TTN: variants seen among roughly 807,000 people sequenced by gnomAD.
The protein encoded by TTN is connectin.
In TTN, 1,525 loss-of-function variants were observed where a neutral mutation model predicts 3,223.0. The ratio of observed to expected loss-of-function variants is 0.47; its 90% CI spans 0.45 to 0.49. TTN has a LOEUF of 0.49. Among genes scored for constraint, TTN ranks in the 20% least tolerant of loss-of-function variants. TTN has a pLI of 0.00. For missense variants in TTN, 40,786 were observed against 43,424.0 expected (o/e 0.94, Z 5.40); for synonymous variants, 14,094 against 15,161.0 (o/e 0.93, Z 5.17).
rs772164852 is a variant in TTN at position 178,651,878 on chromosome 2, A to G, written c.39379+6T>C. 6 of 1,605,520 alleles carry G rather than the reference A, an allele frequency of 3.7e-6. No individual in the cohort carries two copies. In the Admixed American group the frequency reaches 6.8e-5, roughly 18 times the overall value. ...GAGGTGTCCTAGCAGCTTTCTTGCC[A>G]TGTACCTTGTGGAGGCGCCGCTGGC... On this transcript the variant is annotated splice_donor_region_variant and intron_variant, in intron 205 of 362. Coordinates refer to ENST00000589042, the MANE Select transcript of TTN (RefSeq NM_001267550.2).
At chr2:178,724,212 T>C in intron 72 of TTN, 48 bp downstream of exon 72, 1 of 1,584,660 alleles carries the variant, frequency 6.3e-7, no homozygotes. Context: ...GAAGGAAACT[T>C]GTAAAAGGAA....
chr2:178,570,649 CT>C lies in TTN; in HGVS notation c.75482del (p.Lys25161ArgfsTer11), dbSNP rs775559795. The part of the protein sequence containing the change: ...ELSNTARLEI[K>X]STDFATSLSV... ...TGAGACTGGTGGCAAAGTCGGTGCT[CT>C]TTATTTCTAATCGAGCTGTGTTTGA... On this transcript the variant is annotated frameshift_variant, in exon 326 of 363. Transcript: ENST00000589042. LOFTEE classifies it high-confidence loss of function. The C allele has an allele frequency of 6.2e-7, 1 of 1,613,476 alleles. No individual in the cohort carries two copies. Among genetic ancestry groups the C allele is most frequent in the East Asian group, 2.2e-5 (1 of 44,792 alleles).
At position 178,651,891 on chromosome 2, in the gene TTN, A is replaced by T; in HGVS notation, c.39372T>A (p.Pro13124=). Residue 13124 remains proline, a synonymous_variant, in exon 205 of 363, where the codon CCT becomes CCA. Transcript: ENST00000589042. The part of the protein sequence containing the change: ...EVVEEPEPAA[P]PQVTVPPKKP... Reference sequence around the variant, plus strand: ...AGCTTTCTTGCCATGTACCTTGTGGAGGCGCCGCTGGCTCTGGCTCTTCCA... The same window carrying T: ...AGCTTTCTTGCCATGTACCTTGTGGTGGCGCCGCTGGCTCTGGCTCTTCCA... 6.2e-7 allele frequency: 1 copy of T among 1,607,598 alleles called. No individual in the cohort carries two copies.
intron 310 of TTN, 26 bp from the exon 311 acceptor site, chr2:178,584,604 C>G (rs2048521937): frequency 6.2e-6 from 10 of 1,609,916 alleles, no homozygotes; most frequent in African/African-American, 1.3e-5. Context: ...AGGAAGATGT[C>G]AGTTTCTACA....
rs2069782023 is a variant in TTN at position 178,682,806 on chromosome 2, A to G, written c.32985T>C (p.Tyr10995=). The change falls in exon 135 of 363, where the codon TAT becomes TAC. Residue 10995 remains tyrosine (Y), a synonymous_variant. Transcript: ENST00000589042. ...CATACTCCTCAAATTCTTTATAATC[A>G]TATTCTTCATATTCCTCATATTCTT... The part of the protein sequence containing the change: ...REEEYEEYEE[Y]DYKEFEEYEP... 3 of 1,612,354 alleles carry G rather than the reference A, an allele frequency of 1.9e-6. 1 individual carries two copies. In the South Asian group the frequency reaches 3.3e-5, roughly 18 times the overall value.
rs879113246 is a variant in TTN, at chr2:178,631,253, C to G, written c.43795G>C (p.Glu14599Gln). The G allele has an allele frequency of 2.5e-6, 4 of 1,611,998 alleles. No homozygotes were observed. In the African/African-American group the frequency reaches 4.0e-5, roughly 16 times the overall value. Residue 14599 changes from glutamate (E) to glutamine (Q), a missense_variant, in exon 237 of 363, where the codon GAG becomes CAG. Coordinates refer to ENST00000589042, the MANE Select transcript of TTN (RefSeq NM_001267550.2). ...TGKLQDYTGV[E>Q]KDEVILQCEI... ...CACTGTAGAATAACTTCATCTTTCT[C>G]TACACCAGTATAATCTTGAAGTTTT...
chr2:178,582,927 G>A lies in TTN; in HGVS notation c.65863+13C>T, dbSNP rs2154178607. On this transcript the variant is annotated intron_variant, in intron 313 of 362. Coordinates refer to ENST00000589042, the MANE Select transcript of TTN (RefSeq NM_001267550.2). Reference sequence around the variant, plus strand: ...AAGTAAAATATGGGATTCCAATGAAGTTTATTAGTTACCTAACACTTTAAG... The same window carrying A: ...AAGTAAAATATGGGATTCCAATGAAATTTATTAGTTACCTAACACTTTAAG... 6.8e-7 allele frequency: 1 copy of A among 1,480,448 alleles called. No individual in the cohort carries two copies. The highest frequency in any genetic ancestry group is 9.0e-7 in the Non-Finnish European group (1 of 1,114,408). The allele number at this position is 1,480,448 out of a possible 1,614,324, so 91.7% of individuals were successfully genotyped here.
At position 178,639,732 on chromosome 2, in the gene TTN, G is replaced by C; in HGVS notation, c.40843C>G (p.Pro13615Ala). Residue 13615 changes from proline to alanine, a missense_variant, in exon 223 of 363, where the codon CCA becomes GCA. Transcript: ENST00000589042. ...VEPEPTPIAAPVTVPVVGKKA... is the reference protein window; with the variant it reads ...VEPEPTPIAAAVTVPVVGKKA... Reference sequence around the variant, plus strand: ...TTTCCAACCACTGGCACTGTTACTGGGGCAGCGATGGGGGTTGGTTCAGGT... The same window carrying C: ...TTTCCAACCACTGGCACTGTTACTGCGGCAGCGATGGGGGTTGGTTCAGGT... The C allele has an allele frequency of 6.2e-7, 1 of 1,611,418 alleles. No individual in the cohort carries two copies. Among genetic ancestry groups the C allele is most frequent in the East Asian group, 2.2e-5 (1 of 44,718 alleles).
At position 178,707,638 on chromosome 2, in the gene TTN, C is replaced by A. The variant is rs1473228553; in HGVS notation, c.28929G>T (p.Gly9643=). 7 of 1,613,900 alleles carry A rather than the reference C, an allele frequency of 4.3e-6. No individual in the cohort carries two copies. The highest frequency in any genetic ancestry group is 1.7e-5 in the Admixed American group (1 of 59,984). Residue 9643 remains glycine, a synonymous_variant, in exon 100 of 363, where the codon GGG becomes GGT. Coordinates refer to ENST00000589042, the MANE Select transcript of TTN (RefSeq NM_001267550.2). The part of the protein sequence containing the change: ...SDRCSFSFAS[G]TAVLELRDVA... The stretch of plus-strand genomic sequence containing the variant: ...CATCTCTGAGTTCCAGTACAGCTGT[C>A]CCACTAGCAAAGCTGAAGCTGCATC...
chr2:178,574,829 T>G lies in TTN; in HGVS notation c.71303A>C (p.Gln23768Pro). ...PISNYVVEMRQTDSTTWVELA... is the reference protein window; with the variant it reads ...PISNYVVEMRPTDSTTWVELA... ...CTCAACCCAGGTAGTACTGTCAGTCTGCCGCATTTCCACTACATAGTTGCT... is the reference window on the plus strand; with the variant it reads ...CTCAACCCAGGTAGTACTGTCAGTCGGCCGCATTTCCACTACATAGTTGCT... The change falls in exon 326 of 363, where the codon CAG becomes CCG. Residue 23768 changes from glutamine to proline, a missense_variant. Coordinates refer to ENST00000589042, the MANE Select transcript of TTN (RefSeq NM_001267550.2). 9 of 1,613,004 alleles carry G rather than the reference T, an allele frequency of 5.6e-6. No individual in the cohort carries two copies. Among genetic ancestry groups the G allele is most frequent in the Non-Finnish European group, 7.6e-6 (9 of 1,179,402 alleles).
chr2:178,679,270 A>T, intron 142 of TTN, 69 bp downstream of exon 142: 1 of 1,521,974 alleles, frequency 6.6e-7, no homozygotes, highest in East Asian at 2.3e-5. Flanking sequence ...AAGATCTGCT[A>T]TGGCTCACCA....
rs755526559 is a variant in TTN, at chr2:178,737,306, CT to C, written c.14371+775del. On this transcript the variant is annotated intron_variant, in intron 49 of 362. Coordinates refer to ENST00000589042, the MANE Select transcript of TTN (RefSeq NM_001267550.2). ...TGTAGTTGTCTTATTTTCTTTCTTT[CT>C]TTTTTTTTTTTTAGGTGGAGTCTCG... The C allele has an allele frequency of 9.5e-3, 1,351 of 141,998 alleles. 8 individuals are homozygous for C. Among genetic ancestry groups the C allele is most frequent in the African/African-American group, 0.019 (726 of 38,998 alleles). The allele number at this position is 141,998 out of a possible 1,614,324, so 8.8% of individuals were successfully genotyped here. A position where few individuals can be genotyped will look rare whatever the true frequency, so the allele number is the denominator to read the frequency against.
Position 178,597,973 on chromosome 2 carries a change from A to G in TTN, c.57197T>C (p.Val19066Ala), listed in dbSNP as rs537440385. Residue 19066 changes from valine to alanine, a missense_variant, in exon 293 of 363, where the codon GTC becomes GCC. Coordinates refer to ENST00000589042, the MANE Select transcript of TTN (RefSeq NM_001267550.2). Reference sequence around the variant, plus strand: ...AGGTTCTCCAATGCCAGCAATGTTGACTGCTCTAACTCTAAATTTGTAGAA... The same window carrying G: ...AGGTTCTCCAATGCCAGCAATGTTGGCTGCTCTAACTCTAAATTTGTAGAA... ...GAFYKFRVRA[V>A]NIAGIGEPGE... 9 of 1,613,414 alleles carry G rather than the reference A, an allele frequency of 5.6e-6. No homozygotes were observed. In the Admixed American group the frequency reaches 1.3e-4, roughly 24 times the overall value.
Position 178,591,755 on chromosome 2 carries a change from G to C in TTN, c.60064C>G (p.Gln20022Glu). ...YLVEYQEEGT[Q>E]DWIKFKTVTN... ...ACAGTCTTAAATTTAATCCAGTCCTGGGTGCCTTCTTCTTGATATTCTACC... is the reference window on the plus strand; with the variant it reads ...ACAGTCTTAAATTTAATCCAGTCCTCGGTGCCTTCTTCTTGATATTCTACC... The change falls in exon 303 of 363, where the codon CAG becomes GAG. Residue 20022 changes from glutamine (Q) to glutamate (E), a missense_variant. Coordinates refer to ENST00000589042, the MANE Select transcript of TTN (RefSeq NM_001267550.2). 1 of 1,613,232 alleles carries C rather than the reference G, an allele frequency of 6.2e-7. No homozygotes were observed. Among genetic ancestry groups the C allele is most frequent in the East Asian group, 2.2e-5 (1 of 44,716 alleles).
chr2:178,558,459 G>T lies in TTN; in HGVS notation c.87000C>A (p.His29000Gln), dbSNP rs758683372. The change falls in exon 327 of 363, where the codon CAC becomes CAA. Residue 29000 changes from histidine (H) to glutamine (Q), a missense_variant. By Grantham distance (24) the His-to-Gln change is conservative. Transcript: ENST00000589042. ...AATTCTCTCTCAGACCGGAAACAAC[G>T]TGATGGGTTGACTTTGCCACTGCAC... ...VKCAVAKSTH[H>Q]VVSGLRENSE... The T allele has an allele frequency of 6.2e-7, 1 of 1,613,668 alleles. No individual in the cohort carries two copies. The highest frequency in any genetic ancestry group is 1.1e-5 in the South Asian group (1 of 91,082).
At chr2:178,749,221 T>G (rs747891084) in intron 47 of TTN, 3 of 1,611,246 alleles carry the variant, frequency 1.9e-6, no homozygotes, top group Non-Finnish European at 2.5e-6. Flanking sequence ...TTCTTATTTC[T>G]TTCTTAATAG....
Position 178,615,757 on chromosome 2 carries a change from G to A in TTN, c.48344C>T (p.Thr16115Ile), listed in dbSNP as rs1361995359. 3.7e-6 allele frequency: 6 copies of A among 1,611,932 alleles called. No individual in the cohort carries two copies. The highest frequency in any genetic ancestry group is 5.1e-6 in the Non-Finnish European group (6 of 1,178,710). ...VMDFVTDLEF[T>I]VPDLVQGKEY... is the part of the protein sequence containing the mutation. Reference sequence around the variant, plus strand: ...TTTTCCTTGAACAAGATCAGGAACTGTGAATTCTAGATCAGTCACAAAGTC... The same window carrying A: ...TTTTCCTTGAACAAGATCAGGAACTATGAATTCTAGATCAGTCACAAAGTC... The change falls in exon 258 of 363, where the codon ACA becomes ATA. Residue 16115 changes from threonine to isoleucine, a missense_variant. Physicochemically the swap from Thr to Ile is moderately conservative, Grantham distance 89. Coordinates refer to ENST00000589042, the MANE Select transcript of TTN (RefSeq NM_001267550.2).
chr2:178,752,041 T>C, intron 47 of TTN: 1 of 1,453,616 alleles, frequency 6.9e-7, no homozygotes, highest in Non-Finnish European at 9.1e-7. Context: ...AGAATAATTC[T>C]GGAAAAAAAA....
At chr2:178,584,625 A>G in intron 310 of TTN, 44 bp downstream of exon 310, 1 of 1,610,392 alleles carries the variant, frequency 6.2e-7, no homozygotes, top group Non-Finnish European at 8.5e-7. Context: ...TTAAGTAACA[A>G]ACTAGAAAGA....
Sources: gnomAD v4.1 joint callset for allele counts on GRCh38, gnomAD v4.1.1 for gene constraint, MANE v1.5 for transcripts, NCBI Gene and HGNC (gene_info 2026-07-23, HGNC 2026-07-21) for gene names.